KRT2: variants seen among roughly 807,000 people sequenced by gnomAD.
The protein encoded by KRT2 is keratin 2, also known as keratin, type II cytoskeletal 2 epidermal.
KRT2 carries 37 observed loss-of-function variants against 48.5 expected under a neutral mutation model. The ratio of observed to expected loss-of-function variants is 0.76; its 90% CI spans 0.59 to 1.00. KRT2 has a LOEUF of 1.00. Among genes scored for constraint, KRT2 ranks in the 50% least tolerant of loss-of-function variants. The probability of loss-of-function intolerance (pLI) is 0.00; values close to 1 mark genes in which losing one functional copy is unlikely to be tolerated. For missense variants in KRT2, 880 were observed against 815.2 expected, an observed-to-expected ratio of 1.08 and a Z score of -0.97; for synonymous variants, 324 against 312.2, an observed-to-expected ratio of 1.04 and a Z score of -0.40.
Position 52,645,429 on chromosome 12 carries a change from T to C in KRT2, c.1510A>G (p.Thr504Ala). Reference protein sequence around the residue: ...DLSSNVTVSVTSSTISSNVAS... With the variant: ...DLSSNVTVSVASSTISSNVAS... ...ACATTTGATGAAATGGTGCTGCTTG[T>C]CACAGCTGCAGAGAGAGGTGGTGTT... Residue 504 changes from threonine to alanine, a missense_variant, in exon 9 of 9, where the codon ACA (threonine) becomes GCA (alanine). Coordinates refer to ENST00000309680, the MANE Select transcript of KRT2 (RefSeq NM_000423.3). The C allele has an allele frequency of 6.2e-7, 1 of 1,614,180 alleles. No homozygotes were observed.
Position 52,646,920 on chromosome 12 carries a change from C to A in KRT2, c.1289G>T (p.Arg430Leu), listed in dbSNP as rs2232557. The change falls in exon 7 of 9, where the codon CGT (arginine) becomes CTT (leucine). Residue 430 changes from arginine to leucine, a missense_variant. Arg to Leu is a moderately radical substitution (Grantham distance 102). Coordinates refer to ENST00000309680, the MANE Select transcript of KRT2 (RefSeq NM_000423.3). ...GGCATCCTTGAGGGCATGCTCCCCA[C>A]GCTGCTCGGCATCTGCGATGGCATC... ...VQDAIADAEQ[R>L]GEHALKDARN... is the part of the protein sequence containing the mutation. 1 of 1,614,208 alleles carries A rather than the reference C, an allele frequency of 6.2e-7. No individual in the cohort carries two copies. The highest frequency in any genetic ancestry group is 8.5e-7 in the Non-Finnish European group (1 of 1,180,040).
rs201708557 is a variant in KRT2, at chr12:52,651,651, G to A, written c.492C>T (p.Asn164=). The part of the protein sequence containing the change: ...SVNQSLLQPL[N]VKVDPEIQNV... Reference sequence around the variant, plus strand: ...TCTGGATCTCTGGGTCAACTTTCACGTTGAGAGGCTGCAGGAGGCTCTGGT... The same window carrying A: ...TCTGGATCTCTGGGTCAACTTTCACATTGAGAGGCTGCAGGAGGCTCTGGT... The change falls in exon 1 of 9, where the codon AAC becomes AAT. Residue 164 remains asparagine, a synonymous_variant. Coordinates refer to ENST00000309680, the MANE Select transcript of KRT2 (RefSeq NM_000423.3). 2.3e-5 allele frequency: 37 copies of A among 1,613,942 alleles called. No homozygotes were observed. Among genetic ancestry groups the A allele is most frequent in the Admixed American group, 1.7e-4 (10 of 60,002 alleles).
intron 4 of KRT2, 140 bp downstream of exon 4, chr12:52,648,867 C>A: frequency 1.4e-6 from 1 of 699,394 alleles, no homozygotes; most frequent in Non-Finnish European, 2.7e-6. Flanking sequence ...TGAAAGCCCC[C>A]CCAGTGGCCT....
rs1330137041 is a variant in KRT2 at position 52,645,917 on chromosome 12, T to C, written c.1470-348A>G. 4.6e-5 allele frequency among the ~76,000 whole-genome samples: 7 copies of C among 152,308 alleles called. No individual in the cohort carries two copies. The East Asian group carries it at 1.2e-3, about 25-fold the overall frequency. ...TCTGTTATTCAGAATCCATGCCACA[T>C]CAGAAATTATACAATGAGGCTGCCT... On this transcript the variant is annotated intron_variant, in intron 7 of 8. Transcript: ENST00000309680.
rs775841758 is a variant in KRT2, at chr12:52,645,361, G to A, written c.1578C>T (p.Ser526=). ...CAGAGCTGTATCCTCCTCCGGAACT[G>A]GACCCTCTACCTCCAGAACCTCCAA... ...AAFGGSGGRG[S]SSGGGYSSGS... is the part of the protein sequence containing the mutation. The change falls in exon 9 of 9, where the codon TCC becomes TCT. Residue 526 remains serine, a synonymous_variant. Coordinates refer to ENST00000309680, the MANE Select transcript of KRT2 (RefSeq NM_000423.3). The A allele has an allele frequency of 6.2e-7, 1 of 1,614,178 alleles. No individual in the cohort carries two copies. Among genetic ancestry groups the A allele is most frequent in the South Asian group, 1.1e-5 (1 of 91,084 alleles).
In KRT2 at chr12:52,645,393, C is replaced by A. The variant is rs1021968764; in HGVS notation, c.1546G>T (p.Ala516Ser). 2 of 1,614,084 alleles carry A rather than the reference C, an allele frequency of 1.2e-6. No individual in the cohort carries two copies. The highest frequency in any genetic ancestry group is 2.7e-5 in the African/African-American group (2 of 74,916). Residue 516 changes from alanine to serine, a missense_variant, in exon 9 of 9, where the codon GCT (alanine) becomes TCT (serine). Physicochemically the swap from Ala to Ser is moderately conservative, Grantham distance 99. Coordinates refer to ENST00000309680, the MANE Select transcript of KRT2 (RefSeq NM_000423.3). ...STISSNVASKAAFGGSGGRGS... is the reference protein window; with the variant it reads ...STISSNVASKSAFGGSGGRGS... ...CTACCTCCAGAACCTCCAAAGGCAGCCTTGGATGCCACATTTGATGAAATG... is the reference window on the plus strand; with the variant it reads ...CTACCTCCAGAACCTCCAAAGGCAGACTTGGATGCCACATTTGATGAAATG...
chr12:52,649,747 G>A (rs2120950290), intron 3 of KRT2, among the ~76,000 whole-genome samples, 167 bp downstream of exon 3: 1 of 152,308 alleles, frequency 6.6e-6, no homozygotes, highest in South Asian at 2.1e-4. Context: ...CCAGAAGCTT[G>A]ACCTACAGAG....
intron 5 of KRT2, 70 bp downstream of exon 5, chr12:52,648,103 C>A: frequency 6.5e-7 from 1 of 1,540,232 alleles, no homozygotes; most frequent in Admixed American, 1.7e-5. Context: ...TTACTGTACA[C>A]TTTCCAGCTG....
In KRT2 at chr12:52,646,918, C is replaced by T; in HGVS notation, c.1291G>A (p.Gly431Arg). The T allele has an allele frequency of 6.2e-7, 1 of 1,614,226 alleles. No homozygotes were observed. Among genetic ancestry groups the T allele is most frequent in the Non-Finnish European group, 8.5e-7 (1 of 1,180,042 alleles). Reference sequence around the variant, plus strand: ...CTGGCATCCTTGAGGGCATGCTCCCCACGCTGCTCGGCATCTGCGATGGCA... The same window carrying T: ...CTGGCATCCTTGAGGGCATGCTCCCTACGCTGCTCGGCATCTGCGATGGCA... Reference protein sequence around the residue: ...QDAIADAEQRGEHALKDARNK... With the variant: ...QDAIADAEQRREHALKDARNK... The change falls in exon 7 of 9, where the codon GGG (glycine) becomes AGG (arginine). Residue 431 changes from glycine to arginine, a missense_variant. Transcript: ENST00000309680.
In KRT2 at chr12:52,650,093, AT is replaced by A. The variant is rs1399240571; in HGVS notation, c.801-120del. ...TCTGGGAATATTACACACTTTTTAA[AT>A]ATCTAAATTGAAACTAAGATTTCCA... On this transcript the variant is annotated intron_variant, in intron 2 of 8. Coordinates refer to ENST00000309680, the MANE Select transcript of KRT2 (RefSeq NM_000423.3). 3.6e-6 allele frequency: 3 copies of A among 829,204 alleles called. No homozygotes were observed. The African/African-American group carries it at 5.1e-5, about 14-fold the overall frequency. 51.4% of individuals were successfully genotyped at this position (829,204 alleles called of 1,614,324 possible). A position where few individuals can be genotyped will look rare whatever the true frequency, so the allele number is the denominator to read the frequency against.
chr12:52,651,227 C>A (rs1941243383), intron 1 of KRT2, among the ~76,000 whole-genome samples: 1 of 152,222 alleles, frequency 6.6e-6, no homozygotes, highest in Non-Finnish European at 1.5e-5. Context: ...ACGATGGCTT[C>A]CAAAACCTGC....
intron 7 of KRT2, among the ~76,000 whole-genome samples, chr12:52,646,512 A>G (rs914939153): frequency 6.6e-5 from 10 of 152,368 alleles, no homozygotes; most frequent in African/African-American, 2.4e-4. Flanking sequence ...CTTACTGCTT[A>G]GTTTAATTTA....
In KRT2 at chr12:52,645,564, G is replaced by A. The variant is rs1375245750; in HGVS notation, c.1475C>T (p.Ser492Phe). 1.2e-6 allele frequency: 2 copies of A among 1,614,160 alleles called. No individual in the cohort carries two copies. Among genetic ancestry groups the A allele is most frequent in the Non-Finnish European group, 8.5e-7 (1 of 1,179,990 alleles). The change falls in exon 8 of 9, where the codon TCT (serine) becomes TTT (phenylalanine). Residue 492 changes from serine to phenylalanine, a missense_variant. Ser to Phe is a radical substitution (Grantham distance 155). Transcript: ENST00000309680. ...AGTCACATTGCTGCTGAGGTCTCCA[G>A]ACATCCTGTAAGGGAGAGAGAAAAA... is the stretch of plus-strand genomic sequence containing the variant. The part of the protein sequence containing the change: ...KLLEGEECRM[S>F]GDLSSNVTVS...
chr12:52,648,189 G>A lies in KRT2; in HGVS notation c.1106C>T (p.Ala369Val), dbSNP rs746275855. The A allele has an allele frequency of 3.8e-5, 61 of 1,614,032 alleles. No homozygotes were observed. In the African/African-American group the frequency reaches 7.2e-4, roughly 19 times the overall value. The change falls in exon 5 of 9, where the codon GCC becomes GTC. Residue 369 changes from alanine to valine, a missense_variant. Ala to Val is a moderately conservative substitution (Grantham distance 64). Coordinates refer to ENST00000309680, the MANE Select transcript of KRT2 (RefSeq NM_000423.3). Reference protein sequence around the residue: ...IAQRSKEEAEALYHSKYEELQ... With the variant: ...IAQRSKEEAEVLYHSKYEELQ... The stretch of plus-strand genomic sequence containing the variant: ...TCTACTTGCCTTGCTGTGGTACAGG[G>A]CCTCCGCTTCTTCCTTGCTCCTCTG...
Position 52,650,337 on chromosome 12 carries a change from ACTT to A in KRT2, c.799_800+1del, listed in dbSNP as rs1444832290. 1.1e-5 allele frequency: 17 copies of A among 1,612,442 alleles called. No individual in the cohort carries two copies. The highest frequency in any genetic ancestry group is 1.6e-4 in the Middle Eastern group (1 of 6,082). ...CACTCAGCGTTTCACTCTGCCACCT[ACTT>A]CTTCTTATAATCCTCCACAAGATCC... On this transcript the variant is annotated splice_donor_variant and coding_sequence_variant, in exon 2 of 9. Transcript: ENST00000309680. LOFTEE classifies it high-confidence loss of function.
rs371939083 is a variant in KRT2 at position 52,651,597 on chromosome 12, G to T, written c.546C>A (p.Ile182=). ...QNVKAQEREQ[I]KTLNNKFASF... ...AGGCAAATTTGTTGTTGAGAGTTTT[G>T]ATCTGCTCACGCTCTTGGGCCTTCA... Residue 182 remains isoleucine, a synonymous_variant, in exon 1 of 9, where the codon ATC becomes ATA. Coordinates refer to ENST00000309680, the MANE Select transcript of KRT2 (RefSeq NM_000423.3). 7.0e-5 allele frequency: 113 copies of T among 1,614,024 alleles called. No homozygotes were observed. Among genetic ancestry groups the T allele is most frequent in the Non-Finnish European group, 9.3e-5 (110 of 1,180,028 alleles).
intron 4 of KRT2, 137 bp from the exon 5 acceptor site, chr12:52,648,474 G>A (rs532953541): frequency 5.2e-5 from 42 of 806,142 alleles, no homozygotes; most frequent in Middle Eastern, 3.2e-4. Context: ...TCATGTAACC[G>A]TCTACTCCTG....
Position 52,650,262 on chromosome 12 carries a change from T to C in KRT2, c.800+77A>G, listed in dbSNP as rs1383236496. 6 of 1,259,706 alleles carry C rather than the reference T, an allele frequency of 4.8e-6. 1 individual carries two copies. The highest frequency in any genetic ancestry group is 1.7e-5 in the Admixed American group (1 of 59,572). The allele number at this position is 1,259,706 out of a possible 1,614,324, so 78.0% of individuals were successfully genotyped here. On this transcript the variant is annotated intron_variant, in intron 2 of 8. Coordinates refer to ENST00000309680, the MANE Select transcript of KRT2 (RefSeq NM_000423.3). ...TACCACCACAAATGCAACTGGGAGA[T>C]GAATGGCTTTCCAGGGAGTGATCAA...
At chr12:52,650,230 T>C in intron 2 of KRT2, 109 bp downstream of exon 2, 1 of 948,512 alleles carries the variant, frequency 1.1e-6, no homozygotes, top group Non-Finnish European at 1.7e-6. Context: ...CATATGCCTC[T>C]CCCCATTACC....
Sources: gnomAD v4.1 joint callset for allele counts (sites outside exome capture counted in the v4.1 genomes callset) on GRCh38, gnomAD v4.1.1 for gene constraint, MANE v1.5 for transcripts, NCBI Gene and HGNC (gene_info 2026-07-23, HGNC 2026-07-21) for gene names.